The following SURF1 variants were observed in gnomAD, a reference collection of about 807,000 sequenced individuals.
The protein encoded by SURF1 is SURF1 cytochrome c oxidase assembly factor.
A neutral mutation model predicts 34.1 loss-of-function variants in SURF1; 45 were observed. The observed-to-expected ratio is 1.32, with a 90% CI of 1.04 to 1.69. The LOEUF (loss-of-function observed/expected upper bound fraction) is 1.69, where lower values mean the gene tolerates loss of function less well. Among genes scored for constraint, SURF1 ranks in the 40% most tolerant of loss-of-function variants. The pLI, the probability that SURF1 is intolerant of heterozygous loss-of-function variation, is 0.00. For synonymous variants in SURF1, 188 were observed against 147.5 expected (o/e 1.27, Z -1.99); for missense variants, 456 against 384.6 (o/e 1.19, Z -1.55).
At chr9:133,356,170 G>C (rs1678771280) in intron 2 of SURF1, 99 bp downstream of exon 2, 2 of 1,444,308 alleles carry the variant, frequency 1.4e-6, no homozygotes, top group Non-Finnish European at 1.9e-6. Context: ...GCCGGCAGTT[G>C]GTTCATTTCA....
chr9:133,354,993 G>A (rs1205865516), intron 2 of SURF1, 36 bp from the exon 3 acceptor site: 3 of 1,610,470 alleles, frequency 1.9e-6, no homozygotes, highest in African/African-American at 1.3e-5. Context: ...GGAGCCAGAA[G>A]CCCTCGAACA....
intron 4 of SURF1, 155 bp from the exon 5 acceptor site, chr9:133,354,095 G>A: frequency 1.2e-6 from 1 of 816,220 alleles, no homozygotes; most frequent in Non-Finnish European, 2.1e-6. Flanking sequence ...ATGTGGGAAT[G>A]TGGATCTGCA....
chr9:133,355,759 G>A (rs906003518), intron 2 of SURF1, among the ~76,000 whole-genome samples: 2 of 151,856 alleles, frequency 1.3e-5, no homozygotes, highest in African/African-American at 2.4e-5. Flanking sequence ...GTGCCTTTAA[G>A]CTCTCAGAGG....
intron 5 of SURF1, 131 bp downstream of exon 5, chr9:133,353,618 T>G (rs1475485618): frequency 9.7e-7 from 1 of 1,025,898 alleles, no homozygotes; most frequent in African/African-American, 1.6e-5. Context: ...ATGCAAGGAA[T>G]TGAATCTCCT....
intron 5 of SURF1, 110 bp downstream of exon 5, chr9:133,353,639 G>T: frequency 7.8e-7 from 1 of 1,284,296 alleles, no homozygotes; most frequent in Non-Finnish European, 1.1e-6. Flanking sequence ...GGGTATCTTG[G>T]GTTCCCCAGG....
chr9:133,354,292 G>C (rs1203243947), intron 4 of SURF1: 9 of 491,058 alleles, frequency 1.8e-5, no homozygotes, highest in Non-Finnish European at 3.3e-5. Flanking sequence ...TCTAGGGAGA[G>C]AGCAGACAAA....
At position 133,354,981 on chromosome 9, in the gene SURF1, A is replaced by G. The variant is rs2130020192; in HGVS notation, c.107-24T>C. Reference sequence around the variant, plus strand: ...CCCTGGAGAGTTTCACAACACTGACATGGAGCCAGAAGCCCTCGAACACAG... The same window carrying G: ...CCCTGGAGAGTTTCACAACACTGACGTGGAGCCAGAAGCCCTCGAACACAG... On this transcript the variant is annotated intron_variant, in intron 2 of 8. Transcript: ENST00000371974. 4 of 1,611,926 alleles carry G rather than the reference A, an allele frequency of 2.5e-6. No homozygotes were observed. In the South Asian group the frequency reaches 3.3e-5, roughly 13 times the overall value.
intron 1 of SURF1, 34 bp downstream of exon 1, chr9:133,356,366 G>GCCCCGCGCCCCGCA (rs1836585928): frequency 2.2e-6 from 3 of 1,343,668 alleles, no homozygotes; most frequent in African/African-American, 1.6e-5. Flanking sequence ...CCCTCCCCGC[G>GCCCCGCGCCCCGCA]CCCCGCACCC....
At position 133,356,142 on chromosome 9, in the gene SURF1, C is replaced by T. The variant is rs2130024265; in HGVS notation, c.106+127G>A. ...CATTTTAATACGGAACTTGTCACTCCCAGGGAGCCTCCGCTCAGCCGGCAG... is the reference window on the plus strand; with the variant it reads ...CATTTTAATACGGAACTTGTCACTCTCAGGGAGCCTCCGCTCAGCCGGCAG... On this transcript the variant is annotated intron_variant, in intron 2 of 8. Transcript: ENST00000371974. The T allele has an allele frequency of 9.4e-6, 12 of 1,271,120 alleles. No homozygotes were observed. The East Asian group carries it at 3.1e-4, about 33-fold the overall frequency. The allele number at this position is 1,271,120 out of a possible 1,614,324, so 78.7% of individuals were successfully genotyped here. A position where few individuals can be genotyped will look rare whatever the true frequency, so the allele number is the denominator to read the frequency against.
At chr9:133,352,381 G>T in intron 7 of SURF1, 65 bp downstream of exon 7, 1 of 1,611,534 alleles carries the variant, frequency 6.2e-7, no homozygotes, top group South Asian at 1.1e-5. Flanking sequence ...GGGCAATGAG[G>T]GTTAGGAGGA....
chr9:133,355,836 A>C (rs1836562537), intron 2 of SURF1, among the ~76,000 whole-genome samples: 3 of 151,862 alleles, frequency 2.0e-5, no homozygotes, highest in Admixed American at 6.5e-5. Flanking sequence ...TTTTTTATAA[A>C]AAGGCAGGCC....
At chr9:133,355,693 G>C (rs1403174512) in intron 2 of SURF1, among the ~76,000 whole-genome samples, 2 of 152,190 alleles carry the variant, frequency 1.3e-5, no homozygotes, top group Non-Finnish European at 1.5e-5. Context: ...TCTCTTAACA[G>C]CTTTCCATTT....
intron 2 of SURF1, among the ~76,000 whole-genome samples, chr9:133,355,856 C>T (rs1412457951): frequency 1.3e-5 from 2 of 151,206 alleles, no homozygotes; most frequent in African/African-American, 4.9e-5. Context: ...CTGGGGCAGG[C>T]TTGCACAGCA....
rs2130013830 is a variant in SURF1 at position 133,353,687 on chromosome 9, TGTAAATTA to T, written c.515+54_515+61del. 14 of 1,589,122 alleles carry T rather than the reference TGTAAATTA, an allele frequency of 8.8e-6. No homozygotes were observed. The African/African-American group carries it at 1.7e-4, about 20-fold the overall frequency. On this transcript the variant is annotated intron_variant, in intron 5 of 8. Coordinates refer to ENST00000371974, the MANE Select transcript of SURF1 (RefSeq NM_003172.4). ...TTGGGGATTGTGAAGGAAATAGTGA[TGTAAATTA>T]GTATACCCTGACTGCCTCTGCCAGG...
intron 5 of SURF1, among the ~76,000 whole-genome samples, chr9:133,353,470 C>G (rs2130013272): frequency 6.6e-6 from 1 of 152,224 alleles, no homozygotes; most frequent in Non-Finnish European, 1.5e-5. Context: ...GTGTGGGCAA[C>G]TAGACAGTTC....
At chr9:133,355,190 C>T (rs2130020822) in intron 2 of SURF1, among the ~76,000 whole-genome samples, 9 of 152,230 alleles carry the variant, frequency 5.9e-5, no homozygotes, top group Non-Finnish European at 1.2e-4. Flanking sequence ...GACCACCAAC[C>T]ACGACCCTGA....
At position 133,356,261 on chromosome 9, in the gene SURF1, G is replaced by A. The variant is rs2130024792; in HGVS notation, c.106+8C>T. 1 of 1,533,370 alleles carries A rather than the reference G, an allele frequency of 6.5e-7. No homozygotes were observed. The highest frequency in any genetic ancestry group is 8.7e-7 in the Non-Finnish European group (1 of 1,146,162). 95.0% of individuals were successfully genotyped at this position (1,533,370 alleles called of 1,614,324 possible). A position where few individuals can be genotyped will look rare whatever the true frequency, so the allele number is the denominator to read the frequency against. On this transcript the variant is annotated splice_region_variant and intron_variant, in intron 2 of 8. Coordinates refer to ENST00000371974, the MANE Select transcript of SURF1 (RefSeq NM_003172.4). ...CGCCTGGATCACAGCCCGGCCTGCA[G>A]CCCTCACCTGGGCGCGGGGAGACCC...
chr9:133,354,560 TA>T, intron 4 of SURF1, 98 bp downstream of exon 4: 2 of 1,429,974 alleles, frequency 1.4e-6, no homozygotes, highest in Non-Finnish European at 2.0e-6. Flanking sequence ...AGGCAGTGAC[TA>T]AAAGTCCCAC....
At position 133,354,645 on chromosome 9, in the gene SURF1, A is replaced by C. The variant is rs1000971325; in HGVS notation, c.323+14T>G. 1.9e-6 allele frequency: 3 copies of C among 1,612,154 alleles called. No individual in the cohort carries two copies. In the African/African-American group the frequency reaches 4.0e-5, roughly 22 times the overall value. ...CAAGTAAAACAGGCCCTAGGGGGGC[A>C]GCCATGCACTCACTCGGCTGGCAGA... On this transcript the variant is annotated intron_variant, in intron 4 of 8. Transcript: ENST00000371974.
Sources: gnomAD v4.1 joint callset for allele counts (sites outside exome capture counted in the v4.1 genomes callset) on GRCh38, gnomAD v4.1.1 for gene constraint, MANE v1.5 for transcripts, NCBI Gene and HGNC (gene_info 2026-07-23, HGNC 2026-07-21) for gene names.